Variants in SLC51A observed in about 807,000 individuals in gnomAD.
SLC51A encodes the protein organic solute transporter subunit alpha.
SLC51A carries 22 observed loss-of-function variants against 34.8 expected under a neutral mutation model. That is an observed-to-expected ratio of 0.63 (90% CI 0.45 to 0.90). The LOEUF is 0.90. Among genes scored for constraint, SLC51A ranks in the 40% least tolerant of loss-of-function variants. The pLI, the probability that SLC51A is intolerant of heterozygous loss-of-function variation, is 0.00. For synonymous variants in SLC51A, 181 were observed against 176.3 expected (o/e 1.03, Z -0.21); for missense variants, 371 against 414.8 (o/e 0.89, Z 0.92).
intron 2 of SLC51A, among the ~76,000 whole-genome samples, chr3:196,218,301 C>T (rs1723649042): frequency 6.6e-6 from 1 of 152,240 alleles, no homozygotes; most frequent in African/African-American, 2.4e-5. Flanking sequence ...TCCTGGAGGG[C>T]TGCACGGCAT....
chr3:196,227,133 G>C lies in SLC51A; in HGVS notation c.288+14G>C. The C allele has an allele frequency of 6.2e-7, 1 of 1,612,316 alleles. No homozygotes were observed. On this transcript the variant is annotated intron_variant, in intron 3 of 8. Coordinates refer to ENST00000296327, the MANE Select transcript of SLC51A (RefSeq NM_152672.6). ...TCGGCACCCACGGTGAGGCCCCCGG[G>C]GCTGCCCTGTGGGGGGAACTGAAAA...
intron 2 of SLC51A, among the ~76,000 whole-genome samples, chr3:196,224,678 A>G (rs1183748836): frequency 8.3e-6 from 1 of 120,926 alleles, no homozygotes; most frequent in Non-Finnish European, 1.7e-5. Context: ...CTTCGTTGAA[A>G]GAAGAGAAGG....
intron 7 of SLC51A, 127 bp from the exon 8 acceptor site, chr3:196,232,292 G>A: frequency 4.5e-6 from 3 of 660,700 alleles, no homozygotes; most frequent in Non-Finnish European, 8.2e-6. Context: ...AACCCTCTGT[G>A]ACTGCACAGA....
At chr3:196,217,494 G>T (rs1378634439) in intron 1 of SLC51A, among the ~76,000 whole-genome samples, 1 of 151,302 alleles carries the variant, frequency 6.6e-6, no homozygotes, top group African/African-American at 2.4e-5. Flanking sequence ...TATGAGCCAA[G>T]ACAGACCACT....
chr3:196,227,213 A>T, intron 3 of SLC51A, 94 bp downstream of exon 3: 3 of 724,796 alleles, frequency 4.1e-6, no homozygotes, highest in Non-Finnish European at 6.0e-6. Flanking sequence ...ACTTCGGCAA[A>T]GAGTGTCCTG....
At chr3:196,221,622 TA>T (rs1560152057) in intron 2 of SLC51A, among the ~76,000 whole-genome samples, 1 of 151,850 alleles carries the variant, frequency 6.6e-6, no homozygotes, top group African/African-American at 2.4e-5. Flanking sequence ...CTAAGAAGCT[TA>T]AGGAGAGGAT....
rs1279126214 is a variant in SLC51A, at chr3:196,228,589, C to T, written c.522-220C>T. 5 of 607,868 alleles carry T rather than the reference C, an allele frequency of 8.2e-6. No homozygotes were observed. The highest frequency in any genetic ancestry group is 1.2e-5 in the Non-Finnish European group (4 of 343,504). 37.7% of individuals were successfully genotyped at this position (607,868 alleles called of 1,614,324 possible). On this transcript the variant is annotated intron_variant, in intron 5 of 8. Transcript: ENST00000296327. This position sits in a 1 kb window ranked among gnomAD's most constrained non-coding sequence, Gnocchi z 4.9. ...AGGTTGAGGTCACACTCCCAGACCT[C>T]GCTCCAAAGACGGAATTCTTGTCTG...
rs187334282 is a variant in SLC51A at position 196,232,934 on chromosome 3, C to T, written c.887-129C>T. ...CCCGCTGTGTTATTTATGACAATTT[C>T]GTATCCCTAAGTCCTGATTTGGGGA... On this transcript the variant is annotated intron_variant, in intron 8 of 8. Transcript: ENST00000296327. 2.0e-4 allele frequency: 188 copies of T among 930,826 alleles called. 1 individual carries two copies. The highest frequency in any genetic ancestry group is 8.5e-4 in the Admixed American group (38 of 44,696). 57.7% of individuals were successfully genotyped at this position (930,826 alleles called of 1,614,324 possible).
chr3:196,220,917 T>A (rs1445350620), intron 2 of SLC51A, among the ~76,000 whole-genome samples: 4 of 139,418 alleles, frequency 2.9e-5, no homozygotes, highest in Non-Finnish European at 4.6e-5. Context: ...TGAGACAGGG[T>A]CTCACTGTGT....
intron 4 of SLC51A, 124 bp from the exon 5 acceptor site, chr3:196,227,990 GC>G: frequency 7.7e-7 from 1 of 1,295,552 alleles, no homozygotes. Flanking sequence ...CCTCTCCCTC[GC>G]CCCTCTTGGG....
In SLC51A at chr3:196,228,716, G is replaced by A. The variant is rs1474792890; in HGVS notation, c.522-93G>A. 14 of 1,029,476 alleles carry A rather than the reference G, an allele frequency of 1.4e-5. No homozygotes were observed. The highest frequency in any genetic ancestry group is 4.8e-5 in the East Asian group (2 of 42,080). 63.8% of individuals were successfully genotyped at this position (1,029,476 alleles called of 1,614,324 possible). On this transcript the variant is annotated intron_variant, in intron 5 of 8. Transcript: ENST00000296327. The surrounding 1 kb of genome is among the most constrained non-coding windows in gnomAD (Gnocchi z 4.9). ...CTGGTTGGTGTTTATGACAGCAGCCGAGCCTCAGCCCAGGAGCCCTGTGAG... is the reference window on the plus strand; with the variant it reads ...CTGGTTGGTGTTTATGACAGCAGCCAAGCCTCAGCCCAGGAGCCCTGTGAG...
chr3:196,228,338 T>A lies in SLC51A; in HGVS notation c.521+65T>A, dbSNP rs72611185. 16 of 1,540,244 alleles carry A rather than the reference T, an allele frequency of 1.0e-5. No individual in the cohort carries two copies. Among genetic ancestry groups the A allele is most frequent in the Non-Finnish European group, 1.4e-5 (16 of 1,148,282 alleles). On this transcript the variant is annotated intron_variant, in intron 5 of 8. Coordinates refer to ENST00000296327, the MANE Select transcript of SLC51A (RefSeq NM_152672.6). The surrounding 1 kb of genome is among the most constrained non-coding windows in gnomAD (Gnocchi z 4.9). ...GCCTCTCCTGGACCCCTGGTCCCCTTCAAGGCTCTGGGAATTAGGCGTGAA... is the reference window on the plus strand; with the variant it reads ...GCCTCTCCTGGACCCCTGGTCCCCTACAAGGCTCTGGGAATTAGGCGTGAA...
chr3:196,221,877 G>A (rs1014509577), intron 2 of SLC51A, among the ~76,000 whole-genome samples: 2 of 151,864 alleles, frequency 1.3e-5, no homozygotes, highest in Admixed American at 6.6e-5. Flanking sequence ...CACCACACCC[G>A]GCTAATTTTT....
intron 2 of SLC51A, among the ~76,000 whole-genome samples, chr3:196,225,456 A>G (rs1394244423): frequency 2.0e-5 from 3 of 152,152 alleles, no homozygotes; most frequent in African/African-American, 7.2e-5. Context: ...CTTAGTCACC[A>G]AAACACAGAG....
rs910225629 is a variant in SLC51A at position 196,216,961 on chromosome 3, G to T, written c.38+211G>T. 3.2e-4 allele frequency among the ~76,000 whole-genome samples: 48 copies of T among 152,346 alleles called. No individual in the cohort carries two copies. The highest frequency in any genetic ancestry group is 1.2e-3 in the African/African-American group (48 of 41,578). The stretch of plus-strand genomic sequence containing the variant: ...GGGCCTCGGCCTTGCCCCCCAGCGT[G>T]GGGAGAGAAAGGTCGCAGAGCGGGG... On this transcript the variant is annotated intron_variant, in intron 1 of 8. Transcript: ENST00000296327. The surrounding 1 kb of genome is among the most constrained non-coding windows in gnomAD (Gnocchi z 4.5).
At chr3:196,229,867 G>A (rs1196778260) in intron 6 of SLC51A, 48 bp from the exon 7 acceptor site, 2 of 1,556,418 alleles carry the variant, frequency 1.3e-6, no homozygotes, top group African/African-American at 1.4e-5. Context: ...GAGAGAGAGA[G>A]AGAGAGAGAG....
At chr3:196,229,589 C>T (rs1723982623) in intron 6 of SLC51A, among the ~76,000 whole-genome samples, 1 of 151,096 alleles carries the variant, frequency 6.6e-6, no homozygotes. Context: ...GTTGGTCAGG[C>T]TGGTCTTGAA....
At chr3:196,227,904 C>T (rs1723937565) in intron 4 of SLC51A, 167 bp downstream of exon 4, 1 of 902,954 alleles carries the variant, frequency 1.1e-6, no homozygotes, top group African/African-American at 1.7e-5. Context: ...CTCATTTTGG[C>T]ATCTGGCACA....
In SLC51A at chr3:196,216,622, G is replaced by C; in HGVS notation, c.-91G>C. 5.9e-5 allele frequency: 72 copies of C among 1,210,764 alleles called. No individual in the cohort carries two copies. Among genetic ancestry groups the C allele is most frequent in the Middle Eastern group, 2.5e-4 (1 of 3,974 alleles). 75.0% of individuals were successfully genotyped at this position (1,210,764 alleles called of 1,614,324 possible). ...TCTGCTTGCCCCCCACCCCGGCCCA[G>C]GCAAGCCACCCTGCCCCCGGCCCCC... is the stretch of plus-strand genomic sequence containing the variant. On this transcript the variant is annotated 5_prime_UTR_variant, in exon 1 of 9. Coordinates refer to ENST00000296327, the MANE Select transcript of SLC51A (RefSeq NM_152672.6). The surrounding 1 kb of genome is among the most constrained non-coding windows in gnomAD (Gnocchi z 4.5).
Sources: gnomAD v4.1 joint callset for allele counts (sites outside exome capture counted in the v4.1 genomes callset) on GRCh38, gnomAD v4.1.1 for gene constraint, Gnocchi (gnomAD v3.1) non-coding constraint, MANE v1.5 for transcripts, NCBI Gene and HGNC (gene_info 2026-07-23, HGNC 2026-07-21) for gene names.